Variants in ALS2 observed in about 807,000 individuals in gnomAD.
ALS2 encodes alsin.
In ALS2, 117 loss-of-function variants were observed where a neutral mutation model predicts 203.4. The observed-to-expected ratio is 0.58, with a 90% CI of 0.50 to 0.67. The LOEUF is 0.67. Ranked by LOEUF, ALS2 falls within the 30% of genes least tolerant of loss-of-function variation. The pLI is 0.00. For synonymous variants in ALS2, 718 were observed against 725.9 expected, an observed-to-expected ratio of 0.99 and a Z score of 0.17; for missense variants, 1,715 against 1,989.4, an observed-to-expected ratio of 0.86 and a Z score of 2.62.
chr2:201,723,640 G>A (rs926094305), intron 21 of ALS2, among the ~76,000 whole-genome samples, 199 bp from the exon 22 acceptor site: 2 of 152,190 alleles, frequency 1.3e-5, no homozygotes, highest in African/African-American at 4.8e-5. Flanking sequence ...AATCCTCTCT[G>A]AGGAATTTAA....
chr2:201,727,069 C>T, intron 17 of ALS2, 143 bp downstream of exon 17: 4 of 931,278 alleles, frequency 4.3e-6, no homozygotes, highest in South Asian at 1.5e-5. Context: ...AATGAAGAAC[C>T]TACAGTTTTG....
rs200417604 is a variant in ALS2 at position 201,715,800 on chromosome 2, C to T, written c.3876G>A (p.Lys1292=). The change falls in exon 25 of 34, where the codon AAG becomes AAA. Residue 1292 remains lysine (K), a synonymous_variant. Coordinates refer to ENST00000264276, the MANE Select transcript of ALS2 (RefSeq NM_020919.4). The stretch of plus-strand genomic sequence containing the variant: ...AACATTCGTCAAACACCGCTTTCCA[C>T]TTCTCATCAGCTGGCACTGCCAGGT... ...LGNLAVPADE[K]WKAVFDECWR... 9.0e-5 allele frequency: 146 copies of T among 1,614,130 alleles called. No homozygotes were observed. The highest frequency in any genetic ancestry group is 2.5e-4 in the Admixed American group (15 of 60,014).
intron 33 of ALS2, among the ~76,000 whole-genome samples, chr2:201,703,434 T>C (rs1689504135): frequency 6.6e-6 from 1 of 152,222 alleles, no homozygotes; most frequent in Non-Finnish European, 1.5e-5. Flanking sequence ...TCCTTTCTAT[T>C]TAGGTAATTG....
chr2:201,749,770 T>C lies in ALS2; in HGVS notation c.1757A>G (p.Asn586Ser), dbSNP rs1692914910. The C allele has an allele frequency of 1.2e-6, 2 of 1,614,126 alleles. No homozygotes were observed. Among genetic ancestry groups the C allele is most frequent in the Non-Finnish European group, 1.7e-6 (2 of 1,179,970 alleles). The part of the protein sequence containing the change: ...AKSQVYSWGS[N>S]TFGQLGHSDF... Reference sequence around the variant, plus strand: ...GGAATGCCCAAGTTGACCAAAGGTATTGCTACCCCATGAGTAAACCTATCA... The same window carrying C: ...GGAATGCCCAAGTTGACCAAAGGTACTGCTACCCCATGAGTAAACCTATCA... The change falls in exon 8 of 34, where the codon AAT becomes AGT. Residue 586 changes from asparagine to serine, a missense_variant. Asn to Ser is a conservative substitution (Grantham distance 46, BLOSUM62 1). Around this residue, in one of 3 missense-constraint regions of ALS2, gnomAD observed 1,227 missense variants for 1,413.5 expected, o/e 0.87. Coordinates refer to ENST00000264276, the MANE Select transcript of ALS2 (RefSeq NM_020919.4).
At chr2:201,739,524 C>T (rs1692126321) in intron 11 of ALS2, among the ~76,000 whole-genome samples, 1 of 151,888 alleles carries the variant, frequency 6.6e-6, no homozygotes, top group South Asian at 2.1e-4. Flanking sequence ...AAGTGAATCA[C>T]CTGAGGTCAG....
chr2:201,705,654 T>C (rs544664743), intron 29 of ALS2, among the ~76,000 whole-genome samples, 193 bp from the exon 30 acceptor site: 1 of 152,354 alleles, frequency 6.6e-6, no homozygotes, highest in South Asian at 2.1e-4. Context: ...TTTGTCATTC[T>C]ATATCCCAAT....
chr2:201,704,136 A>T lies in ALS2; in HGVS notation c.4921T>A (p.Phe1641Ile). The change falls in exon 33 of 34, where the codon TTC becomes ATC. Residue 1641 changes from phenylalanine to isoleucine, a missense_variant. Coordinates refer to ENST00000264276, the MANE Select transcript of ALS2 (RefSeq NM_020919.4). The part of the protein sequence containing the change: ...YLQHGEQGIM[F>I]TTLKACYYQI... The stretch of plus-strand genomic sequence containing the variant: ...ACTATACTCACCTTCAAGGTGGTGA[A>T]CATTATACCCTGTTCCCCATGCTGA... The T allele has an allele frequency of 6.2e-7, 1 of 1,612,940 alleles. No homozygotes were observed. The highest frequency in any genetic ancestry group is 8.5e-7 in the Non-Finnish European group (1 of 1,178,910).
At position 201,720,169 on chromosome 2, in the gene ALS2, A is replaced by G. The variant is rs977327691; in HGVS notation, c.3703-1959T>C. 3.4e-5 allele frequency: 14 copies of G among 415,918 alleles called. No individual in the cohort carries two copies. The East Asian group carries it at 1.2e-3, about 36-fold the overall frequency. 25.8% of individuals were successfully genotyped at this position (415,918 alleles called of 1,614,324 possible). A position where few individuals can be genotyped will look rare whatever the true frequency, so the allele number is the denominator to read the frequency against. The stretch of plus-strand genomic sequence containing the variant: ...GACAAAGACATCACAATAAAAGAAA[A>G]CTACAGACCATTACCTCTCATAAAT... On this transcript the variant is annotated intron_variant, in intron 23 of 33. Transcript: ENST00000264276.
chr2:201,744,187 T>G, intron 10 of ALS2, 71 bp downstream of exon 10: 1 of 1,505,814 alleles, frequency 6.6e-7, no homozygotes, highest in South Asian at 1.1e-5. Flanking sequence ...AGGTTTTCAT[T>G]ATTTGTGACA....
intron 8 of ALS2, among the ~76,000 whole-genome samples, chr2:201,747,200 A>C (rs1692720395): frequency 6.6e-6 from 1 of 152,124 alleles, no homozygotes; most frequent in Non-Finnish European, 1.5e-5. Context: ...CTGGCCAACT[A>C]AACTCTTGGG....
intron 1 of ALS2, among the ~76,000 whole-genome samples, chr2:201,776,566 G>A (rs987177437): frequency 2.6e-5 from 4 of 152,112 alleles, no homozygotes; most frequent in Admixed American, 2.6e-4. Flanking sequence ...ATTTGTGCCT[G>A]TTATTACATG....
chr2:201,730,560 C>G (rs746823957), intron 13 of ALS2, among the ~76,000 whole-genome samples: 1 of 151,974 alleles, frequency 6.6e-6, no homozygotes, highest in Non-Finnish European at 1.5e-5. Context: ...TTCATTTACT[C>G]ATTTCTGAGA....
chr2:201,722,990 A>C (rs755852934), intron 23 of ALS2, 53 bp downstream of exon 23: 2 of 1,400,496 alleles, frequency 1.4e-6, no homozygotes, highest in Non-Finnish European at 2.0e-6. Context: ...AAGTAAAAAA[A>C]AATTAGTAAA....
chr2:201,717,930 C>T lies in ALS2; in HGVS notation c.3836+147G>A, dbSNP rs372162225. The stretch of plus-strand genomic sequence containing the variant: ...ACTCCAGCCTGGTGACAGAGTGACA[C>T]CCTGTCTCAAAAAATAAAAATAAAA... On this transcript the variant is annotated intron_variant, in intron 24 of 33. Transcript: ENST00000264276. 7 of 768,532 alleles carry T rather than the reference C, an allele frequency of 9.1e-6. No individual in the cohort carries two copies. In the African/African-American group the frequency reaches 1.1e-4, roughly 12 times the overall value. The allele number at this position is 768,532 out of a possible 1,614,324, so 47.6% of individuals were successfully genotyped here.
At chr2:201,756,315 T>C (rs967713904) in intron 5 of ALS2, among the ~76,000 whole-genome samples, 22 of 151,304 alleles carry the variant, frequency 1.5e-4, no homozygotes, top group African/African-American at 4.6e-4. Context: ...TATATATATA[T>C]ACATATATAT....
In ALS2 at chr2:201,715,605, T is replaced by G. The variant is rs75897720; in HGVS notation, c.4004+67A>C. On this transcript the variant is annotated intron_variant, in intron 25 of 33. Coordinates refer to ENST00000264276, the MANE Select transcript of ALS2 (RefSeq NM_020919.4). ...TAAATTAAATGTGGTGAGCCTTGAC[T>G]ACTTACTGGTCTTAAGTTTCATCTT... The G allele has an allele frequency of 0.018, 28,087 of 1,570,080 alleles. 281 individuals carry two copies. The highest frequency in any genetic ancestry group is 0.032 in the Middle Eastern group (190 of 5,938).
At chr2:201,731,200 T>C (rs1186347622) in intron 13 of ALS2, among the ~76,000 whole-genome samples, 3 of 152,066 alleles carry the variant, frequency 2.0e-5, no homozygotes, top group Non-Finnish European at 2.9e-5. Context: ...AAACATTTAA[T>C]GAGTATCTAC....
At chr2:201,715,558 A>C in intron 25 of ALS2, 114 bp downstream of exon 25, 1 of 1,291,136 alleles carries the variant, frequency 7.7e-7, no homozygotes, top group Non-Finnish European at 1.1e-6. Flanking sequence ...CTTACTCAGA[A>C]GCGAAGTAAA....
Position 201,738,749 on chromosome 2 carries a change from G to A in ALS2, c.2352-14C>T. The A allele has an allele frequency of 6.2e-7, 1 of 1,604,410 alleles. No individual in the cohort carries two copies. Among genetic ancestry groups the A allele is most frequent in the South Asian group, 1.1e-5 (1 of 90,852 alleles). On this transcript the variant is annotated splice_polypyrimidine_tract_variant and intron_variant, in intron 11 of 33. Coordinates refer to ENST00000264276, the MANE Select transcript of ALS2 (RefSeq NM_020919.4). ...GATGTGCAATACCTTGAGCAGAAAA[G>A]AAAACACATGTACATTAGTTGAAAT...
Sources: allele counts gnomAD v4.1 joint callset (sites outside exome capture counted in the v4.1 genomes callset), GRCh38; gene constraint gnomAD v4.1.1; regional missense constraint gnomAD v4.1.1; transcripts MANE v1.5; gene names NCBI Gene and HGNC (gene_info 2026-07-23, HGNC 2026-07-21).